BRINP3: variants seen among roughly 807,000 people sequenced by gnomAD.
BRINP3 encodes BMP/retinoic acid inducible neural specific 3.
In BRINP3, 19 loss-of-function variants were observed where a neutral mutation model predicts 71.0. The ratio of observed to expected loss-of-function variants is 0.27; its 90% CI spans 0.19 to 0.39. The LOEUF (loss-of-function observed/expected upper bound fraction) is 0.39, where lower values mean the gene tolerates loss of function less well. BRINP3 is among the 10% of genes least tolerant of loss of function. The probability of loss-of-function intolerance (pLI) is 1.00; values close to 1 mark genes in which losing one functional copy is unlikely to be tolerated. For missense variants in BRINP3, 959 were observed against 940.8 expected, an observed-to-expected ratio of 1.02 and a Z score of -0.25; for synonymous variants, 380 against 337.7, an observed-to-expected ratio of 1.13 and a Z score of -1.37.
At chr1:190,177,655 A>G (rs2102522931) in intron 6 of BRINP3, among the ~76,000 whole-genome samples, 1 of 152,346 alleles carries the variant, frequency 6.6e-6, no homozygotes, top group African/African-American at 2.4e-5. Context: ...TTACAATACC[A>G]ATACCCCATA....
At position 190,264,850 on chromosome 1, in the gene BRINP3, T is replaced by C. The variant is rs1212498170; in HGVS notation, c.618+15A>G. On this transcript the variant is annotated intron_variant, in intron 4 of 7. Transcript: ENST00000367462. ...ACAATGGAAGGTGATAATTTTAGCG[T>C]AAACTCATTCTTACCTTTATGGCAG... 2 of 1,608,442 alleles carry C rather than the reference T, an allele frequency of 1.2e-6. No homozygotes were observed. Among genetic ancestry groups the C allele is most frequent in the Non-Finnish European group, 1.7e-6 (2 of 1,177,256 alleles).
chr1:190,261,353 A>T (rs993077007), intron 4 of BRINP3, among the ~76,000 whole-genome samples: 3 of 152,108 alleles, frequency 2.0e-5, no homozygotes, highest in Non-Finnish European at 4.4e-5. Context: ...GTGAAATAAA[A>T]TTTGATATAA....
chr1:190,231,568 G>T lies in BRINP3; in HGVS notation c.724+2804C>A, dbSNP rs370671532. Among the ~76,000 whole-genome samples the T allele has an allele frequency of 1.1e-4, 17 of 151,632 alleles. 1 individual carries two copies. The highest frequency in any genetic ancestry group is 3.9e-4 in the African/African-American group (16 of 41,376). ...ATTCTGGTTATACTTTCACTCAGAG[G>T]CACCTTGTTTGATGTGTTATACTCA... On this transcript the variant is annotated intron_variant, in intron 5 of 7. Coordinates refer to ENST00000367462, the MANE Select transcript of BRINP3 (RefSeq NM_199051.3).
At chr1:190,115,575 T>C (rs1363424315) in intron 7 of BRINP3, among the ~76,000 whole-genome samples, 1 of 152,150 alleles carries the variant, frequency 6.6e-6, no homozygotes, top group Non-Finnish European at 1.5e-5. Flanking sequence ...GAAATGTCCA[T>C]GCCTATACAT....
intron 7 of BRINP3, among the ~76,000 whole-genome samples, chr1:190,113,317 T>C (rs538819555): frequency 6.6e-6 from 1 of 152,270 alleles, no homozygotes; most frequent in East Asian, 1.9e-4. Context: ...CTGCTGCTCC[T>C]CCTTCTTCTT....
intron 1 of BRINP3, among the ~76,000 whole-genome samples, chr1:190,469,439 G>A (rs2102700725): frequency 6.6e-6 from 1 of 151,038 alleles, no homozygotes; most frequent in South Asian, 2.1e-4. Context: ...ATGCAAAAAT[G>A]TTAAGAAAGC....
At chr1:190,278,323 T>C (rs1662770791) in intron 3 of BRINP3, among the ~76,000 whole-genome samples, 1 of 151,510 alleles carries the variant, frequency 6.6e-6, no homozygotes, top group South Asian at 2.1e-4. Flanking sequence ...CTTCATTAAT[T>C]AAGAGAAAGA....
intron 6 of BRINP3, among the ~76,000 whole-genome samples, chr1:190,164,009 T>C (rs535796166): frequency 1.3e-3 from 194 of 152,276 alleles, no homozygotes; most frequent in African/African-American, 4.4e-3. Flanking sequence ...TTAAATTATC[T>C]TATGTATTTA....
chr1:190,422,115 T>C (rs1272036251), intron 2 of BRINP3, among the ~76,000 whole-genome samples: 1 of 151,798 alleles, frequency 6.6e-6, no homozygotes, highest in Non-Finnish European at 1.5e-5. Context: ...TTAACATTTT[T>C]TTTACATCTC....
In BRINP3 at chr1:190,098,264, C is replaced by T; in HGVS notation, c.2055G>A (p.Leu685=). ...CCTGAGTATAGGGGTAGTCCAGCTG[C>T]AAAATCAGGTCCCGAATTGCTTCAG... ...FDPEAIRDLI[L]QLDYPYTQGS... Residue 685 remains leucine (L), a synonymous_variant, in exon 8 of 8, where the codon TTG becomes TTA. Coordinates refer to ENST00000367462, the MANE Select transcript of BRINP3 (RefSeq NM_199051.3). 6.2e-7 allele frequency: 1 copy of T among 1,614,158 alleles called. No homozygotes were observed. Among genetic ancestry groups the T allele is most frequent in the Non-Finnish European group, 8.5e-7 (1 of 1,180,024 alleles).
In BRINP3 at chr1:190,172,380, T is replaced by C. The variant is rs78008494; in HGVS notation, c.962-11490A>G. ...ATTTCTTAGTTGTTGAAGACATTTT[T>C]CCTCCGGATTGAATTAACCAAATGT... is the stretch of plus-strand genomic sequence containing the variant. On this transcript the variant is annotated intron_variant, in intron 6 of 7. Coordinates refer to ENST00000367462, the MANE Select transcript of BRINP3 (RefSeq NM_199051.3). Among the ~76,000 whole-genome samples, 275 of 152,038 alleles carry C rather than the reference T, an allele frequency of 1.8e-3. 3 individuals are homozygous for C. The highest frequency in any genetic ancestry group is 6.2e-3 in the African/African-American group (256 of 41,490).
intron 1 of BRINP3, among the ~76,000 whole-genome samples, chr1:190,470,522 T>C (rs890618089): frequency 2.6e-5 from 4 of 151,102 alleles, no homozygotes; most frequent in African/African-American, 9.7e-5. Flanking sequence ...AATTAGGGTT[T>C]AGGCATTAAA....
At chr1:190,444,739 T>C (rs1029723343) in intron 2 of BRINP3, among the ~76,000 whole-genome samples, 2 of 152,030 alleles carry the variant, frequency 1.3e-5, no homozygotes, top group Non-Finnish European at 2.9e-5. Flanking sequence ...TTTCACCATA[T>C]TTGCCAGACT....
At chr1:190,276,129 T>C (rs1046668828) in intron 3 of BRINP3, among the ~76,000 whole-genome samples, 5 of 151,650 alleles carry the variant, frequency 3.3e-5, no homozygotes, top group Non-Finnish European at 7.4e-5. Flanking sequence ...CAAAAATATT[T>C]ATTTTTCTTT....
chr1:190,230,076 G>A (rs976338093), intron 5 of BRINP3, among the ~76,000 whole-genome samples: 1 of 151,864 alleles, frequency 6.6e-6, no homozygotes, highest in Non-Finnish European at 1.5e-5. Context: ...ACATTTAAGA[G>A]ATAATTAGGG....
At chr1:190,219,349 T>A (rs1656675820) in intron 6 of BRINP3, among the ~76,000 whole-genome samples, 2 of 151,930 alleles carry the variant, frequency 1.3e-5, no homozygotes, top group South Asian at 4.2e-4. Flanking sequence ...CTCAGTGATC[T>A]CTAAGATAAC....
At chr1:190,165,357 A>G (rs553349486) in intron 6 of BRINP3, among the ~76,000 whole-genome samples, 5 of 151,764 alleles carry the variant, frequency 3.3e-5, no homozygotes, top group South Asian at 2.1e-4. Context: ...ACTAAAAAAA[A>G]AAAGTATTAC....
At chr1:190,331,132 A>G (rs906887646) in intron 2 of BRINP3, among the ~76,000 whole-genome samples, 1 of 152,070 alleles carries the variant, frequency 6.6e-6, no homozygotes, top group African/African-American at 2.4e-5. Flanking sequence ...TATCCATTAG[A>G]GAGTCATCTC....
intron 1 of BRINP3, chr1:190,474,647 A>G (rs1163140315): frequency 6.6e-6 from 1 of 152,364 alleles, no homozygotes; most frequent in African/African-American, 2.4e-5. Flanking sequence ...CCAAACATGC[A>G]TCTTATCTTC....
Sources: allele counts gnomAD v4.1 joint callset (sites outside exome capture counted in the v4.1 genomes callset), GRCh38; gene constraint gnomAD v4.1.1; transcripts MANE v1.5; gene names NCBI Gene and HGNC (gene_info 2026-07-23, HGNC 2026-07-21).